The following CSMD1 variants were observed in gnomAD, a reference collection of about 807,000 sequenced individuals.
CSMD1 encodes the protein CUB and sushi domain-containing protein 1.
CSMD1 carries 213 observed loss-of-function variants against 417.5 expected under a neutral mutation model. The observed-to-expected ratio is 0.51, with a 90% CI of 0.46 to 0.57. The LOEUF is 0.57. Among genes scored for constraint, CSMD1 ranks in the 20% least tolerant of loss-of-function variants. The probability of loss-of-function intolerance (pLI) is 0.00; values close to 1 mark genes in which losing one functional copy is unlikely to be tolerated. For missense variants in CSMD1, 6,923 were observed against 4,529.7 expected, an observed-to-expected ratio of 1.53 and a Z score of -15.17; for synonymous variants, 2,862 against 1,736.8, an observed-to-expected ratio of 1.65 and a Z score of -16.11.
chr8:4,986,392 TA>T (rs1232379005), intron 1 of CSMD1, among the ~76,000 whole-genome samples: 1 of 152,142 alleles, frequency 6.6e-6, no homozygotes, highest in Non-Finnish European at 1.5e-5. Flanking sequence ...CACTTTCTGT[TA>T]AAAAAGAAGA....
chr8:3,886,581 T>A (rs1806579435), intron 5 of CSMD1, among the ~76,000 whole-genome samples: 1 of 152,152 alleles, frequency 6.6e-6, no homozygotes, highest in African/African-American at 2.4e-5. Flanking sequence ...GCAGGAAAAG[T>A]TTATTTTCCA....
At chr8:4,354,955 C>T (rs1801326372) in intron 3 of CSMD1, among the ~76,000 whole-genome samples, 3 of 150,960 alleles carry the variant, frequency 2.0e-5, no homozygotes, top group South Asian at 4.2e-4. Context: ...CCGAATTCCA[C>T]CCAAACCCAT....
chr8:4,659,751 C>T (rs940970832), intron 1 of CSMD1, among the ~76,000 whole-genome samples: 6 of 152,010 alleles, frequency 3.9e-5, no homozygotes, highest in African/African-American at 7.2e-5. Flanking sequence ...AATGTACTGA[C>T]GCCTCGGATT....
intron 3 of CSMD1, among the ~76,000 whole-genome samples, chr8:4,124,353 C>T (rs541467379): frequency 3.9e-5 from 6 of 152,150 alleles, no homozygotes; most frequent in South Asian, 2.1e-4. Context: ...CTTTTCTTTA[C>T]GGATATGAAA....
rs1293307642 is a variant in CSMD1, at chr8:3,787,057, T to C, written c.819-33015A>G. Among the ~76,000 whole-genome samples the C allele has an allele frequency of 2.0e-5, 3 of 152,176 alleles. No homozygotes were observed. The East Asian group carries it at 5.8e-4, about 29-fold the overall frequency. ...TTCTATGTGTGAAGTGTCATATTTA[T>C]TCTGAGTTTAGAGTGTGTTTACAGA... is the stretch of plus-strand genomic sequence containing the variant. On this transcript the variant is annotated intron_variant, in intron 5 of 69. Transcript: ENST00000635120.
intron 3 of CSMD1, among the ~76,000 whole-genome samples, chr8:4,071,174 G>C (rs13255769): frequency 0.11 from 16,254 of 151,630 alleles, 956 homozygotes; most frequent in Middle Eastern, 0.16. Flanking sequence ...ATTAAAGATA[G>C]TTTCTCCCTT....
At chr8:3,828,661 G>A (rs762701417) in intron 5 of CSMD1, among the ~76,000 whole-genome samples, 21 of 152,038 alleles carry the variant, frequency 1.4e-4, no homozygotes, top group African/African-American at 3.4e-4. Context: ...CCAAGCCATC[G>A]TCATCTTTCT....
intron 2 of CSMD1, among the ~76,000 whole-genome samples, chr8:4,623,993 A>T (rs1381471400): frequency 2.0e-5 from 3 of 152,178 alleles, no homozygotes; most frequent in Non-Finnish European, 4.4e-5. Context: ...GTTACTAAAT[A>T]TACCTTTAAA....
chr8:3,004,091 T>A (rs189322651), intron 52 of CSMD1, among the ~76,000 whole-genome samples: 2 of 152,250 alleles, frequency 1.3e-5, no homozygotes, highest in East Asian at 3.9e-4. Context: ...CTGAATTTTT[T>A]TTTTAAAGAA....
rs1050274786 is a variant in CSMD1 at position 3,088,229 on chromosome 8, G to A, written c.7286-944C>T. Among the ~76,000 whole-genome samples, 5 of 152,092 alleles carry A rather than the reference G, an allele frequency of 3.3e-5. No homozygotes were observed. In the South Asian group the frequency reaches 1.0e-3, roughly 31 times the overall value. On this transcript the variant is annotated intron_variant, in intron 48 of 69. Coordinates refer to ENST00000635120, the MANE Select transcript of CSMD1 (RefSeq NM_033225.6). ...AAAAGTCTCTGCATCTTATTTACAC[G>A]TTTAGACAAAGAAACTTGCTTCATC...
intron 2 of CSMD1, among the ~76,000 whole-genome samples, chr8:4,631,128 C>T (rs1428291572): frequency 2.6e-5 from 4 of 152,050 alleles, no homozygotes; most frequent in South Asian, 2.1e-4. Flanking sequence ...TTTGGGAGGC[C>T]GAGGCGGGTG....
intron 10 of CSMD1, among the ~76,000 whole-genome samples, chr8:3,562,017 C>G (rs941517467): frequency 1.3e-5 from 2 of 152,122 alleles, no homozygotes; most frequent in Non-Finnish European, 2.9e-5. Context: ...AGGAGGAGTC[C>G]TGACTTTACA....
chr8:3,302,833 G>A (rs1345423035), intron 25 of CSMD1, among the ~76,000 whole-genome samples: 1 of 152,126 alleles, frequency 6.6e-6, no homozygotes, highest in East Asian at 1.9e-4. Context: ...GTTGGGAGCT[G>A]GTGTTATTTA....
intron 3 of CSMD1, among the ~76,000 whole-genome samples, chr8:4,249,535 G>C (rs965678162): frequency 1.3e-5 from 2 of 152,196 alleles, no homozygotes; most frequent in Non-Finnish European, 2.9e-5. Flanking sequence ...CGTGCACTGT[G>C]ACTCTCAGGG....
chr8:3,498,974 A>G (rs754579284), intron 10 of CSMD1, among the ~76,000 whole-genome samples: 1 of 152,152 alleles, frequency 6.6e-6, no homozygotes, highest in South Asian at 2.1e-4. Context: ...TTTAAAAATC[A>G]TATAGGCATT....
intron 1 of CSMD1, among the ~76,000 whole-genome samples, chr8:4,793,040 G>C (rs1382868157): frequency 6.6e-6 from 1 of 151,544 alleles, no homozygotes; most frequent in Non-Finnish European, 1.5e-5. Context: ...TTAAGCCATT[G>C]CATAATTTGA....
intron 2 of CSMD1, among the ~76,000 whole-genome samples, chr8:4,496,858 A>G (rs1802003382): frequency 6.6e-6 from 1 of 152,188 alleles, no homozygotes; most frequent in Non-Finnish European, 1.5e-5. Context: ...GAAGGTTTAC[A>G]ATATCAGGAC....
At chr8:3,959,898 T>A (rs975121655) in intron 5 of CSMD1, among the ~76,000 whole-genome samples, 1 of 152,214 alleles carries the variant, frequency 6.6e-6, no homozygotes, top group African/African-American at 2.4e-5. Flanking sequence ...TTCCTTTTAT[T>A]ATTTAGATGT....
At chr8:3,763,230 G>A (rs1312722176) in intron 5 of CSMD1, among the ~76,000 whole-genome samples, 2 of 152,128 alleles carry the variant, frequency 1.3e-5, no homozygotes, top group Non-Finnish European at 2.9e-5. Flanking sequence ...AACCCTCGAT[G>A]TTATGATGCC....
Sources: allele counts gnomAD v4.1 joint callset (sites outside exome capture counted in the v4.1 genomes callset), GRCh38; gene constraint gnomAD v4.1.1; transcripts MANE v1.5; gene names NCBI Gene and HGNC (gene_info 2026-07-23, HGNC 2026-07-21).